The following IQSEC1 variants were observed in gnomAD, a reference collection of about 807,000 sequenced individuals.
IQSEC1 encodes IQ motif and SEC7 domain-containing protein 1.
In IQSEC1, 31 loss-of-function variants were observed where a neutral mutation model predicts 91.0. That is an observed-to-expected ratio of 0.34 (90% CI 0.26 to 0.46). IQSEC1 has a LOEUF of 0.46. Among genes scored for constraint, IQSEC1 ranks in the 20% least tolerant of loss-of-function variants. IQSEC1 has a pLI of 1.00. For synonymous variants in IQSEC1, 699 were observed against 662.6 expected, an observed-to-expected ratio of 1.05 and a Z score of -0.84; for missense variants, 1,388 against 1,575.6, an observed-to-expected ratio of 0.88 and a Z score of 2.02.
At chr3:13,079,273 A>G (rs982576686) in intron 2 of IQSEC1, among the ~76,000 whole-genome samples, 3 of 152,242 alleles carry the variant, frequency 2.0e-5, no homozygotes, top group Non-Finnish European at 2.9e-5. Flanking sequence ...CTCACGCTCC[A>G]TCTGCCCAGT....
chr3:13,019,666 T>A (rs1703312423), intron 1 of IQSEC1, among the ~76,000 whole-genome samples: 1 of 152,110 alleles, frequency 6.6e-6, no homozygotes. Flanking sequence ...CCAAGGCCCA[T>A]CCTCCCCAGT....
chr3:13,182,583 G>C (rs1230156071), intron 1 of IQSEC1, among the ~76,000 whole-genome samples: 1 of 152,106 alleles, frequency 6.6e-6, no homozygotes, highest in Non-Finnish European at 1.5e-5. Flanking sequence ...AGAGATGGGT[G>C]GGTGAATGGA....
rs1290675654 is a variant in IQSEC1 at position 13,214,008 on chromosome 3, C to A, written c.273-49875G>T. ...CCTGGACCCATCGCTCTCCCCCGGG[C>A]TCTTCCTGGTCCCTCCCCGCCACCC... On this transcript the variant is annotated intron_variant, in intron 1 of 15. Transcript: ENST00000648114. This position sits in a 1 kb window ranked among gnomAD's most constrained non-coding sequence, Gnocchi z 4.5. Among the ~76,000 whole-genome samples the A allele has an allele frequency of 6.6e-6, 1 of 152,160 alleles. No homozygotes were observed. Among genetic ancestry groups the A allele is most frequent in the Non-Finnish European group, 1.5e-5 (1 of 68,032 alleles).
At chr3:12,947,746 C>A (rs1018101852) in intron 1 of IQSEC1, among the ~76,000 whole-genome samples, 9 of 152,202 alleles carry the variant, frequency 5.9e-5, no homozygotes, top group African/African-American at 2.2e-4. Flanking sequence ...GCCCCAGAGC[C>A]CATCACGTGC....
rs1696726966 is a variant in IQSEC1 at position 12,922,511 on chromosome 3, A to G, written c.1731-269T>C. On this transcript the variant is annotated intron_variant, in intron 4 of 13. Transcript: ENST00000613206. The surrounding 1 kb of genome is among the most constrained non-coding windows in gnomAD (Gnocchi z 5.1). ...CAGTTTTCCCAGTGGGGCAGAGCAT[A>G]TGGTTATCTGGATCAAAGCCCTTCC... Among the ~76,000 whole-genome samples, 1 of 152,078 alleles carries G rather than the reference A, an allele frequency of 6.6e-6. No individual in the cohort carries two copies. Among genetic ancestry groups the G allele is most frequent in the Non-Finnish European group, 1.5e-5 (1 of 68,020 alleles).
intron 1 of IQSEC1, among the ~76,000 whole-genome samples, chr3:13,229,961 T>C (rs1291906022): frequency 6.6e-6 from 1 of 152,222 alleles, no homozygotes; most frequent in African/African-American, 2.4e-5. Context: ...GCATAAAATA[T>C]ACAGAAGAGT....
At position 12,924,225 on chromosome 3, in the gene IQSEC1, G is replaced by A. The variant is rs908055560; in HGVS notation, c.1730+356C>T. Among the ~76,000 whole-genome samples the A allele has an allele frequency of 6.6e-6, 1 of 152,222 alleles. No homozygotes were observed. Among genetic ancestry groups the A allele is most frequent in the African/African-American group, 2.4e-5 (1 of 41,452 alleles). ...TGCCTGCTCCTGCCAGCCCTGCCATGAGAAGCTGCAGGAACATGGGTCACT... is the reference window on the plus strand; with the variant it reads ...TGCCTGCTCCTGCCAGCCCTGCCATAAGAAGCTGCAGGAACATGGGTCACT... On this transcript the variant is annotated intron_variant, in intron 4 of 13. Coordinates refer to ENST00000613206, the MANE Select transcript of IQSEC1 (RefSeq NM_001134382.3). This position sits in a 1 kb window ranked among gnomAD's most constrained non-coding sequence, Gnocchi z 6.3.
At chr3:13,131,478 C>CTT (rs61345195) in intron 2 of IQSEC1, among the ~76,000 whole-genome samples, 847 of 81,706 alleles carry the variant, frequency 0.01, 47 homozygotes, top group South Asian at 0.014. Context: ...AAATCTATGT[C>CTT]TTTTTTTTTT....
At chr3:13,206,836 G>T (rs1179720883) in intron 1 of IQSEC1, among the ~76,000 whole-genome samples, 1 of 152,108 alleles carries the variant, frequency 6.6e-6, no homozygotes, top group Non-Finnish European at 1.5e-5. Context: ...GCCAGGCATG[G>T]ACCAATGATG....
chr3:13,107,236 T>C (rs1213150577), intron 2 of IQSEC1, among the ~76,000 whole-genome samples: 1 of 152,220 alleles, frequency 6.6e-6, no homozygotes, highest in African/African-American at 2.4e-5. Flanking sequence ...AGAAGACCCA[T>C]GCACAGATGG....
chr3:13,071,136 C>T (rs1705402206), intron 1 of IQSEC1, among the ~76,000 whole-genome samples: 2 of 145,854 alleles, frequency 1.4e-5, no homozygotes, highest in African/African-American at 5.0e-5. Context: ...GGGGTGGGAC[C>T]CACACAGTTT....
At chr3:13,204,696 C>A (rs1282597317) in intron 1 of IQSEC1, among the ~76,000 whole-genome samples, 3 of 152,216 alleles carry the variant, frequency 2.0e-5, no homozygotes, top group Non-Finnish European at 4.4e-5. Context: ...CCCTGTCCTG[C>A]GCGTTCGTGC....
At chr3:13,013,605 C>T (rs181913590) in intron 1 of IQSEC1, among the ~76,000 whole-genome samples, 24 of 152,282 alleles carry the variant, frequency 1.6e-4, no homozygotes, top group Non-Finnish European at 2.6e-4. Flanking sequence ...CCCCTCCTTG[C>T]GCCCATCTCC....
rs1329273562 is a variant in IQSEC1 at position 12,967,130 on chromosome 3, C to G, written c.24-25265G>C. ...CACACACACACTCCCATCCTGAGAC[C>G]CTCCCAGGGCACACACAGCGCTCCT... On this transcript the variant is annotated intron_variant, in intron 1 of 13. Coordinates refer to ENST00000613206, the MANE Select transcript of IQSEC1 (RefSeq NM_001134382.3). The surrounding 1 kb of genome is among the most constrained non-coding windows in gnomAD (Gnocchi z 5.9). 6.6e-6 allele frequency among the ~76,000 whole-genome samples: 1 copy of G among 151,888 alleles called. No individual in the cohort carries two copies. Among genetic ancestry groups the G allele is most frequent in the Non-Finnish European group, 1.5e-5 (1 of 67,978 alleles).
Position 12,898,656 on chromosome 3 carries a change from G to A in IQSEC1, c.*2327C>T, listed in dbSNP as rs1001134265. 1.3e-5 allele frequency: 2 copies of A among 152,174 alleles called. No homozygotes were observed. The highest frequency in any genetic ancestry group is 4.8e-5 in the African/African-American group (2 of 41,444). 9.4% of individuals were successfully genotyped at this position (152,174 alleles called of 1,614,324 possible). On this transcript the variant is annotated 3_prime_UTR_variant, in exon 14 of 14. Coordinates refer to ENST00000613206, the MANE Select transcript of IQSEC1 (RefSeq NM_001134382.3). ...GAATCTTTTCTGGAACAACCTAAAG[G>A]TTACAGTTAGACTCTCCTCCCAGCA... is the stretch of plus-strand genomic sequence containing the variant.
intron 1 of IQSEC1, 91 bp from the exon 2 acceptor site, chr3:12,941,956 G>C: frequency 2.4e-6 from 3 of 1,227,842 alleles, no homozygotes; most frequent in Non-Finnish European, 3.3e-6. Flanking sequence ...CATGCTCCTG[G>C]AGGAGCCCCC....
At chr3:13,196,839 G>A (rs2125042851) in intron 1 of IQSEC1, among the ~76,000 whole-genome samples, 1 of 152,042 alleles carries the variant, frequency 6.6e-6, no homozygotes, top group South Asian at 2.1e-4. Context: ...GAAAGAAGCA[G>A]CCGCAGGGGC....
intron 2 of IQSEC1, among the ~76,000 whole-genome samples, chr3:13,131,464 G>T (rs1706618387): frequency 7.1e-6 from 1 of 141,148 alleles, no homozygotes. Flanking sequence ...AAATGTTTAG[G>T]TTTAAATCTA....
intron 2 of IQSEC1, among the ~76,000 whole-genome samples, chr3:13,083,598 C>T (rs1322974238): frequency 6.6e-6 from 1 of 152,276 alleles, no homozygotes; most frequent in South Asian, 2.1e-4. Context: ...AAAGCAGAGG[C>T]CTCGGGGCCT....
Sources: gnomAD v4.1 joint callset for allele counts (sites outside exome capture counted in the v4.1 genomes callset) on GRCh38, gnomAD v4.1.1 for gene constraint, Gnocchi (gnomAD v3.1) non-coding constraint, MANE v1.5 for transcripts, NCBI Gene and HGNC (gene_info 2026-07-23, HGNC 2026-07-21) for gene names.